EIF3I: variants seen among roughly 807,000 people sequenced by gnomAD.
EIF3I encodes the protein eukaryotic translation initiation factor 3 subunit I.
A neutral mutation model predicts 43.3 loss-of-function variants in EIF3I; 20 were observed. The observed-to-expected ratio is 0.46, with a 90% CI of 0.32 to 0.67. The LOEUF (loss-of-function observed/expected upper bound fraction) is 0.67. Ranked by LOEUF, EIF3I falls within the 30% of genes least tolerant of loss-of-function variation. The pLI is 0.03. For synonymous variants in EIF3I, 167 were observed against 151.7 expected (o/e 1.10, Z -0.74); for missense variants, 279 against 421.4 (o/e 0.66, Z 2.96).
At chr1:32,223,807 A>T (rs1639086545) in intron 2 of EIF3I, among the ~76,000 whole-genome samples, 1 of 152,170 alleles carries the variant, frequency 6.6e-6, no homozygotes, top group Non-Finnish European at 1.5e-5. Flanking sequence ...GCTGGAGCTA[A>T]CAAATGAGGA....
intron 6 of EIF3I, 37 bp downstream of exon 6, chr1:32,226,567 ATTTTTTT>A (rs373073695): frequency 1.5e-6 from 2 of 1,295,082 alleles, no homozygotes; most frequent in South Asian, 4.3e-5. Context: ...TACCAGAATA[ATTTTTTT>A]TTTTTTTTTT....
At position 32,228,831 on chromosome 1, in the gene EIF3I, C is replaced by T. The variant is rs1402969080; in HGVS notation, c.729+15C>T. ...ACTATGACCATGTAAGAGAACCCCA[C>T]CTGCCTTCCTGCTGAAGCCTCAGGA... On this transcript the variant is annotated intron_variant, in intron 8 of 11. Coordinates refer to ENST00000676679, the Ensembl canonical transcript of EIF3I. 1.9e-6 allele frequency: 3 copies of T among 1,597,818 alleles called. No homozygotes were observed. Among genetic ancestry groups the T allele is most frequent in the Admixed American group, 1.7e-5 (1 of 59,518 alleles).
chr1:32,224,118 G>A (rs1363984318), exon 3 of EIF3I: 3 of 1,614,120 alleles, frequency 1.9e-6, no homozygotes, highest in Non-Finnish European at 2.5e-6. Flanking sequence ...TGTGGACGCT[G>A]ACTGTATCCT....
At chr1:32,234,577 T>A (rs1639277288), downstream of EIF3I, 2 of 152,682 alleles carry the variant, frequency 1.3e-5, no homozygotes, top group East Asian at 3.8e-4. Flanking sequence ...GGGGTGGGCA[T>A]GGGAGAAGGC....
At chr1:32,224,291 A>G (rs1639104443) in intron 3 of EIF3I, 119 bp from the exon 4 acceptor site, 1 of 1,095,368 alleles carries the variant, frequency 9.1e-7, no homozygotes, top group Non-Finnish European at 1.4e-6. Context: ...CCAGTTCTGG[A>G]TAAGGAGGTA....
chr1:32,226,274 C>T (rs1194703116), exon 5 of EIF3I: 1 of 1,614,116 alleles, frequency 6.2e-7, no homozygotes, highest in South Asian at 1.1e-5. Context: ...AGATGGGCTA[C>T]CAGTGCTTTG....
exon 5 of EIF3I, chr1:32,226,310 G>C (rs199681410): frequency 6.2e-7 from 1 of 1,614,014 alleles, no homozygotes; most frequent in Non-Finnish European, 8.5e-7. Flanking sequence ...TGCGGGATCC[G>C]AGCCAGATTG....
intron 6 of EIF3I, among the ~76,000 whole-genome samples, chr1:32,227,659 C>G (rs988157245): frequency 2.0e-5 from 3 of 151,884 alleles, no homozygotes; most frequent in African/African-American, 7.3e-5. Flanking sequence ...CCTTTGGTCC[C>G]AGGTACTCAG....
chr1:32,229,776 C>T (rs193187185), intron 9 of EIF3I, among the ~76,000 whole-genome samples: 72 of 151,828 alleles, frequency 4.7e-4, no homozygotes, highest in African/African-American at 1.5e-3. Flanking sequence ...GTCTTGAACT[C>T]CTGGCCTTAA....
chr1:32,227,682 G>A (rs547843585), intron 6 of EIF3I, among the ~76,000 whole-genome samples: 1 of 152,124 alleles, frequency 6.6e-6, no homozygotes, highest in Admixed American at 6.5e-5. Flanking sequence ...TGTTGAGGCT[G>A]AAAGATTGCT....
chr1:32,229,245 A>C (rs1639195368), intron 9 of EIF3I, 37 bp downstream of exon 9: 2,986 of 1,580,208 alleles, frequency 1.9e-3, no homozygotes, highest in Non-Finnish European at 2.4e-3. Context: ...TTAAAATCTC[A>C]TGTGGTGTAC....
downstream of EIF3I, among the ~76,000 whole-genome samples, chr1:32,235,407 T>C (rs1639287613): frequency 6.6e-6 from 1 of 151,840 alleles, no homozygotes; most frequent in South Asian, 2.1e-4. Context: ...CTCAGCTCAC[T>C]GCAACCTCCG....
At chr1:32,229,554 T>TCTCTATGTCCAAA in intron 9 of EIF3I, among the ~76,000 whole-genome samples, 1 of 131,070 alleles carries the variant, frequency 7.6e-6, no homozygotes, top group South Asian at 2.5e-4. Context: ...AGCCTTTTTT[T>TCTCTATGTCCAAA]TTTTTTTTTT....
At chr1:32,231,937 G>T (rs1038008140), downstream of EIF3I, 7 of 152,958 alleles carry the variant, frequency 4.6e-5, no homozygotes, top group African/African-American at 1.7e-4. Flanking sequence ...GCTTCTGCAG[G>T]CTCAGGTGAG....
chr1:32,226,426 A>G (rs780669264), exon 6 of EIF3I: 1 of 1,604,712 alleles, frequency 6.2e-7, no homozygotes, highest in Non-Finnish European at 8.5e-7. Context: ...CTACATGAAG[A>G]TCCCTTGCAA....
chr1:32,231,234 T>G, exon 12 of EIF3I: 1 of 1,591,222 alleles, frequency 6.3e-7, no homozygotes, highest in East Asian at 2.2e-5. Context: ...GGCTCATGCC[T>G]GTAATCCCAC....
chr1:32,231,265 C>T lies in EIF3I; in HGVS notation c.*69C>T, dbSNP rs946581570. The T allele has an allele frequency of 2.1e-5, 30 of 1,424,536 alleles. No individual in the cohort carries two copies. In the South Asian group the frequency reaches 2.2e-4, roughly 11 times the overall value. 88.2% of individuals were successfully genotyped at this position (1,424,536 alleles called of 1,614,324 possible). On this transcript the variant is annotated 3_prime_UTR_variant, in exon 12 of 12. Transcript: ENST00000676679. ...CCCACCACTTTTTTTTTAAGGCAGG[C>T]GGATCACCTGAGGTCAGGAGTTTAA...
intron 3 of EIF3I, 49 bp downstream of exon 3, chr1:32,224,170 T>C (rs1293203717): frequency 1.3e-6 from 2 of 1,589,258 alleles, no homozygotes; most frequent in Non-Finnish European, 1.7e-6. Context: ...CTGTCAGCGA[T>C]GGAGAGGCTG....
chr1:32,229,662 T>C (rs1639204215), intron 9 of EIF3I, among the ~76,000 whole-genome samples: 1 of 151,156 alleles, frequency 6.6e-6, no homozygotes, highest in Admixed American at 6.6e-5. Context: ...GCAATTATCC[T>C]GCCTCTGCCT....
Sources: gnomAD v4.1 joint callset for allele counts (sites outside exome capture counted in the v4.1 genomes callset) on GRCh38, gnomAD v4.1.1 for gene constraint, MANE v1.5 for transcripts, NCBI Gene and HGNC (gene_info 2026-07-23, HGNC 2026-07-21) for gene names.